The following NLK variants were observed in gnomAD, a reference collection of about 807,000 sequenced individuals.
NLK encodes nemo like kinase, also known as serine/threonine-protein kinase NLK.
A neutral mutation model predicts 59.0 loss-of-function variants in NLK; 11 were observed. The ratio of observed to expected loss-of-function variants is 0.19; its 90% CI spans 0.12 to 0.31. NLK has a LOEUF of 0.31. Among genes scored for constraint, NLK ranks in the 10% least tolerant of loss-of-function variants. NLK has a pLI of 1.00. For missense variants in NLK, 410 were observed against 661.1 expected, an observed-to-expected ratio of 0.62 and a Z score of 4.16; for synonymous variants, 235 against 235.9, an observed-to-expected ratio of 1.00 and a Z score of 0.03.
rs1438668172 is a variant in NLK at position 28,191,771 on chromosome 17, G to A, written c.1436-349G>A. ...GAAACTATACACCTAGATACCAACT[G>A]AGGTCTTTAAGTGATCTTCAAAAAG... On this transcript the variant is annotated intron_variant, in intron 9 of 10. Coordinates refer to ENST00000407008, the MANE Select transcript of NLK (RefSeq NM_016231.5). Among the ~76,000 whole-genome samples, 6 of 152,152 alleles carry A rather than the reference G, an allele frequency of 3.9e-5. No homozygotes were observed. In the South Asian group the frequency reaches 6.2e-4, roughly 16 times the overall value.
chr17:28,085,393 A>G (rs1910479635), intron 1 of NLK, among the ~76,000 whole-genome samples: 2 of 152,218 alleles, frequency 1.3e-5, no homozygotes, highest in South Asian at 4.1e-4. Context: ...GCACTGCATA[A>G]TGATGTTTCA....
chr17:28,169,454 A>T (rs1354854016), intron 6 of NLK, among the ~76,000 whole-genome samples: 2 of 152,226 alleles, frequency 1.3e-5, no homozygotes, highest in African/African-American at 4.8e-5. Context: ...ACATCAGGAG[A>T]TGATTAAAAT....
chr17:28,144,862 T>C (rs1339498595), intron 3 of NLK, among the ~76,000 whole-genome samples: 1 of 152,178 alleles, frequency 6.6e-6, no homozygotes, highest in African/African-American at 2.4e-5. Flanking sequence ...TTTAGGCACT[T>C]CATAGACCAG....
intron 1 of NLK, among the ~76,000 whole-genome samples, chr17:28,087,309 G>A (rs1910550211): frequency 6.6e-6 from 1 of 152,160 alleles, no homozygotes; most frequent in African/African-American, 2.4e-5. Flanking sequence ...TTTGGGAAAT[G>A]TGGGTCAGAA....
intron 1 of NLK, among the ~76,000 whole-genome samples, chr17:28,089,577 C>T (rs1390512469): frequency 6.6e-6 from 1 of 151,846 alleles, no homozygotes; most frequent in African/African-American, 2.4e-5. Flanking sequence ...GGACATATGC[C>T]TTCATTTCAC....
chr17:28,156,776 T>C (rs1197041371), intron 3 of NLK, among the ~76,000 whole-genome samples: 2 of 152,158 alleles, frequency 1.3e-5, no homozygotes, highest in Non-Finnish European at 2.9e-5. Flanking sequence ...GGTGTGCATA[T>C]CACAAACATA....
chr17:28,046,393 G>T (rs1909052877), intron 1 of NLK, among the ~76,000 whole-genome samples: 1 of 152,158 alleles, frequency 6.6e-6, no homozygotes, highest in Non-Finnish European at 1.5e-5. Flanking sequence ...AAGAGTTCCA[G>T]TTTACCTGGT....
At chr17:28,143,664 CA>C (rs1261187983) in intron 3 of NLK, among the ~76,000 whole-genome samples, 1 of 152,160 alleles carries the variant, frequency 6.6e-6, no homozygotes, top group Non-Finnish European at 1.5e-5. Flanking sequence ...GTTTTTAACG[CA>C]TCATTAGAAC....
At chr17:28,151,853 A>T (rs1310697717) in intron 3 of NLK, among the ~76,000 whole-genome samples, 1 of 152,230 alleles carries the variant, frequency 6.6e-6, no homozygotes, top group Non-Finnish European at 1.5e-5. Flanking sequence ...GACATAAGTG[A>T]TGTAGTCATT....
At chr17:28,167,879 G>A (rs889940953) in intron 5 of NLK, among the ~76,000 whole-genome samples, 2 of 151,438 alleles carry the variant, frequency 1.3e-5, no homozygotes, top group African/African-American at 4.9e-5. Context: ...TTTTTGCTTC[G>A]ATTATCAACT....
At chr17:28,118,721 A>C (rs1905890539) in intron 1 of NLK, among the ~76,000 whole-genome samples, 1 of 152,212 alleles carries the variant, frequency 6.6e-6, no homozygotes, top group Admixed American at 6.5e-5. Flanking sequence ...TATCTCTCTG[A>C]AAAAGGACTT....
chr17:28,185,993 C>A (rs1338217378), intron 8 of NLK, among the ~76,000 whole-genome samples: 1 of 152,180 alleles, frequency 6.6e-6, no homozygotes, highest in Non-Finnish European at 1.5e-5. Context: ...ACTGTAAGTT[C>A]AGCTCTTCAT....
intron 1 of NLK, among the ~76,000 whole-genome samples, chr17:28,055,770 GA>G (rs1189942934): frequency 3.3e-5 from 5 of 152,168 alleles, no homozygotes; most frequent in African/African-American, 9.7e-5. Context: ...AGTACCTCAT[GA>G]AAACTTACTA....
intron 5 of NLK, 40 bp from the exon 6 acceptor site, chr17:28,168,408 G>A (rs777842656): frequency 1.4e-6 from 2 of 1,396,766 alleles, no homozygotes; most frequent in South Asian, 1.2e-5. Flanking sequence ...TCTTTCATTT[G>A]TATTTGCTTG....
At chr17:28,160,223 C>T (rs1907948325) in intron 3 of NLK, among the ~76,000 whole-genome samples, 1 of 151,920 alleles carries the variant, frequency 6.6e-6, no homozygotes. Context: ...GAGACTAAAG[C>T]GATTTGGAAA....
chr17:28,178,856 A>G (rs1005219307), intron 7 of NLK, among the ~76,000 whole-genome samples: 1 of 152,184 alleles, frequency 6.6e-6, no homozygotes, highest in Non-Finnish European at 1.5e-5. Flanking sequence ...CTGCCAGCTA[A>G]GGTCTAAAAC....
chr17:28,053,522 A>T (rs1169408116), intron 1 of NLK, among the ~76,000 whole-genome samples: 2 of 152,084 alleles, frequency 1.3e-5, no homozygotes, highest in Non-Finnish European at 2.9e-5. Context: ...TGGTTTTGTT[A>T]TCTGGATAAG....
chr17:28,193,139 A>G (rs975488093), intron 10 of NLK, among the ~76,000 whole-genome samples: 1 of 152,230 alleles, frequency 6.6e-6, no homozygotes, highest in African/African-American at 2.4e-5. Flanking sequence ...ACTGTTAACT[A>G]GGAAAGATGA....
intron 1 of NLK, among the ~76,000 whole-genome samples, chr17:28,106,175 G>A (rs1905073514): frequency 6.6e-6 from 1 of 152,062 alleles, no homozygotes. Context: ...CATGCCTCAA[G>A]CAACATTAAT....
Sources: gnomAD v4.1 joint callset for allele counts (sites outside exome capture counted in the v4.1 genomes callset) on GRCh38, gnomAD v4.1.1 for gene constraint, MANE v1.5 for transcripts, NCBI Gene and HGNC (gene_info 2026-07-23, HGNC 2026-07-21) for gene names.